The following XPO7 variants were observed in gnomAD, a reference collection of about 807,000 sequenced individuals.
XPO7 encodes exportin 7, also known as exportin-7.
In XPO7, 21 loss-of-function variants were observed where a neutral mutation model predicts 144.3. That is an observed-to-expected ratio of 0.15 (90% CI 0.10 to 0.21). The LOEUF (loss-of-function observed/expected upper bound fraction) is 0.21. XPO7 is among the 10% of genes least tolerant of loss of function. The pLI, the probability that XPO7 is intolerant of heterozygous loss-of-function variation, is 1.00. For synonymous variants in XPO7, 580 were observed against 499.6 expected (o/e 1.16, Z -2.15); for missense variants, 808 against 1,325.8 (o/e 0.61, Z 6.06).
chr8:21,947,720 G>A (rs1007628934), intron 1 of XPO7, among the ~76,000 whole-genome samples: 1 of 152,190 alleles, frequency 6.6e-6, no homozygotes, highest in Non-Finnish European at 1.5e-5. Flanking sequence ...AAATTAGGCT[G>A]TGTTAAAATT....
chr8:21,992,331 TA>T (rs1294982843), intron 19 of XPO7, among the ~76,000 whole-genome samples: 1 of 152,206 alleles, frequency 6.6e-6, no homozygotes, highest in Non-Finnish European at 1.5e-5. Flanking sequence ...AAAATTGTGG[TA>T]AAAAACAGAA....
chr8:21,978,672 G>A (rs1210943754), intron 8 of XPO7, among the ~76,000 whole-genome samples: 1 of 152,178 alleles, frequency 6.6e-6, no homozygotes, highest in African/African-American at 2.4e-5. Context: ...GGTGGTGCAT[G>A]CCCCTGGGGC....
At chr8:21,980,664 A>C (rs1316998318) in intron 9 of XPO7, among the ~76,000 whole-genome samples, 1 of 151,684 alleles carries the variant, frequency 6.6e-6, no homozygotes, top group Non-Finnish European at 1.5e-5. Context: ...AATCCCAGCT[A>C]CTCGGGAGGC....
intron 1 of XPO7, among the ~76,000 whole-genome samples, chr8:21,923,751 C>G (rs1487856701): frequency 6.6e-6 from 1 of 152,132 alleles, no homozygotes; most frequent in Non-Finnish European, 1.5e-5. Context: ...AATTGATGTT[C>G]ATAACCACCA....
At chr8:21,944,920 TG>T (rs1315169601) in intron 1 of XPO7, among the ~76,000 whole-genome samples, 3 of 152,308 alleles carry the variant, frequency 2.0e-5, no homozygotes, top group South Asian at 2.1e-4. Flanking sequence ...AGCACGGGGA[TG>T]GGGGTAAGGT....
intron 1 of XPO7, among the ~76,000 whole-genome samples, chr8:21,939,936 A>T (rs1192307456): frequency 1.3e-5 from 2 of 152,218 alleles, no homozygotes; most frequent in African/African-American, 4.8e-5. Context: ...TATATTTTGT[A>T]ATCTCCCTGA....
rs369833658 is a variant in XPO7, at chr8:21,970,318, G to A, written c.426+8G>A. On this transcript the variant is annotated splice_region_variant and intron_variant, in intron 4 of 27. Coordinates refer to ENST00000252512, the MANE Select transcript of XPO7 (RefSeq NM_015024.5). ...GTCACAAGGTTTTTACAGGTACAGT[G>A]TATATATTTGATGTAATGGGAATGG... The A allele has an allele frequency of 1.7e-5, 28 of 1,610,730 alleles. No homozygotes were observed. The African/African-American group carries it at 3.3e-4, about 19-fold the overall frequency.
At chr8:21,967,715 T>C (rs1811931450) in intron 2 of XPO7, among the ~76,000 whole-genome samples, 1 of 152,188 alleles carries the variant, frequency 6.6e-6, no homozygotes, top group African/African-American at 2.4e-5. Context: ...CCACAGCTGC[T>C]GTTTATTGCC....
chr8:21,958,504 G>A (rs1285096210), intron 1 of XPO7, among the ~76,000 whole-genome samples: 2 of 151,906 alleles, frequency 1.3e-5, no homozygotes, highest in African/African-American at 2.4e-5. Flanking sequence ...TTACATCACA[G>A]CCGTCTTGCC....
chr8:22,004,314 T>C (rs1487806135), intron 27 of XPO7, among the ~76,000 whole-genome samples: 1 of 152,218 alleles, frequency 6.6e-6, no homozygotes, highest in East Asian at 1.9e-4. Flanking sequence ...CTGTGTACTT[T>C]ACATTTAACA....
intron 2 of XPO7, among the ~76,000 whole-genome samples, chr8:21,967,423 C>T (rs1262724862): frequency 6.6e-5 from 10 of 152,166 alleles, no homozygotes; most frequent in Middle Eastern, 6.8e-3. Flanking sequence ...CTCCACCTCC[C>T]GGGTTCAAGT....
At chr8:21,971,257 A>G (rs568049311) in intron 4 of XPO7, among the ~76,000 whole-genome samples, 1 of 152,190 alleles carries the variant, frequency 6.6e-6, no homozygotes, top group Non-Finnish European at 1.5e-5. Flanking sequence ...GAAATCCTCT[A>G]ATAACACATT....
chr8:21,960,427 C>G (rs1811687438), intron 1 of XPO7, among the ~76,000 whole-genome samples: 1 of 151,748 alleles, frequency 6.6e-6, no homozygotes, highest in African/African-American at 2.4e-5. Flanking sequence ...TTGGGTTAAA[C>G]TTAAAAGTCA....
At chr8:21,929,341 CA>C (rs1161166458) in intron 1 of XPO7, among the ~76,000 whole-genome samples, 1 of 152,170 alleles carries the variant, frequency 6.6e-6, no homozygotes, top group East Asian at 1.9e-4. Flanking sequence ...TGTGTGAATG[CA>C]AATGGATATA....
intron 4 of XPO7, 69 bp downstream of exon 4, chr8:21,970,379 C>A: frequency 2.2e-6 from 3 of 1,367,376 alleles, no homozygotes; most frequent in Admixed American, 2.4e-5. Flanking sequence ...AACACACACA[C>A]ACACACACAC....
intron 5 of XPO7, among the ~76,000 whole-genome samples, chr8:21,973,126 T>C (rs146890555): frequency 6.4e-4 from 97 of 152,360 alleles, no homozygotes; most frequent in African/African-American, 2.1e-3. Flanking sequence ...GCAACAGATG[T>C]GATTCAAACC....
chr8:21,979,702 C>T (rs930657991), intron 8 of XPO7, among the ~76,000 whole-genome samples: 2 of 152,090 alleles, frequency 1.3e-5, no homozygotes, highest in African/African-American at 4.8e-5. Context: ...CCACCACACC[C>T]GGCCGATACG....
intron 1 of XPO7, among the ~76,000 whole-genome samples, chr8:21,920,054 C>T (rs1810218607): frequency 1.3e-5 from 2 of 151,796 alleles, no homozygotes; most frequent in South Asian, 4.2e-4. Flanking sequence ...GCGCGCGCAG[C>T]CCACAACGTT....
chr8:21,929,247 A>T (rs372313998), intron 1 of XPO7, among the ~76,000 whole-genome samples: 1 of 152,226 alleles, frequency 6.6e-6, no homozygotes, highest in Non-Finnish European at 1.5e-5. Context: ...AACCAAAGGG[A>T]TTAGAAGCAA....
Sources: gnomAD v4.1 joint callset for allele counts (sites outside exome capture counted in the v4.1 genomes callset) on GRCh38, gnomAD v4.1.1 for gene constraint, MANE v1.5 for transcripts, NCBI Gene and HGNC (gene_info 2026-07-23, HGNC 2026-07-21) for gene names.